The following STYXL1 variants were observed in gnomAD, a reference collection of about 807,000 sequenced individuals.
STYXL1 encodes serine/threonine/tyrosine-interacting-like protein 1.
STYXL1 carries 32 observed loss-of-function variants against 36.4 expected under a neutral mutation model. The ratio of observed to expected loss-of-function variants is 0.88; its 90% CI spans 0.66 to 1.18. The LOEUF is 1.18. Among genes scored for constraint, STYXL1 ranks in the 50% most tolerant of loss-of-function variants. The pLI, the probability that STYXL1 is intolerant of heterozygous loss-of-function variation, is 0.00. For synonymous variants in STYXL1, 133 were observed against 144.1 expected, an observed-to-expected ratio of 0.92 and a Z score of 0.55; for missense variants, 354 against 394.1, an observed-to-expected ratio of 0.90 and a Z score of 0.86.
intron 5 of STYXL1, among the ~76,000 whole-genome samples, chr7:76,005,658 G>A (rs1791579375): frequency 6.6e-6 from 1 of 152,084 alleles, no homozygotes; most frequent in South Asian, 2.1e-4. Context: ...TTCCCTCCGT[G>A]GCAACTGTTT....
intron 4 of STYXL1, among the ~76,000 whole-genome samples, chr7:76,019,357 TAC>T (rs1554575293): frequency 1.3e-5 from 2 of 151,550 alleles, no homozygotes; most frequent in African/African-American, 4.9e-5. Flanking sequence ...AATACAGTGG[TAC>T]AGTCATAGCT....
At chr7:75,999,623 C>G (rs1790614812) in intron 8 of STYXL1, among the ~76,000 whole-genome samples, 1 of 151,814 alleles carries the variant, frequency 6.6e-6, no homozygotes, top group South Asian at 2.1e-4. Flanking sequence ...TCTCAGCTCA[C>G]TGCTGCCTCT....
intron 4 of STYXL1, among the ~76,000 whole-genome samples, chr7:76,014,891 A>G (rs981885995): frequency 1.3e-5 from 2 of 152,124 alleles, no homozygotes; most frequent in African/African-American, 4.8e-5. Context: ...GGAACAAAAT[A>G]GATAACCCAG....
intron 1 of STYXL1, among the ~76,000 whole-genome samples, chr7:76,035,685 G>A (rs1795843826): frequency 6.7e-6 from 1 of 149,738 alleles, no homozygotes; most frequent in African/African-American, 2.4e-5. Flanking sequence ...AGTGGGCTTT[G>A]TGTCTAGTCC....
At chr7:76,006,259 G>A (rs1159816374) in intron 5 of STYXL1, among the ~76,000 whole-genome samples, 2 of 151,916 alleles carry the variant, frequency 1.3e-5, no homozygotes, top group African/African-American at 2.4e-5. Flanking sequence ...TTTATCTTTT[G>A]TAGAGATGGG....
At chr7:76,016,307 T>A (rs1351127515) in intron 4 of STYXL1, among the ~76,000 whole-genome samples, 1 of 151,758 alleles carries the variant, frequency 6.6e-6, no homozygotes, top group Non-Finnish European at 1.5e-5. Flanking sequence ...CATGTGTATA[T>A]ATACACGTAT....
chr7:76,032,451 C>T (rs976069146), intron 1 of STYXL1, among the ~76,000 whole-genome samples: 3 of 150,666 alleles, frequency 2.0e-5, no homozygotes, highest in African/African-American at 7.3e-5. Context: ...TGGCTCACAT[C>T]TGTAATCCCA....
intron 1 of STYXL1, among the ~76,000 whole-genome samples, chr7:76,034,752 C>A (rs2116390368): frequency 6.6e-6 from 1 of 152,298 alleles, no homozygotes; most frequent in East Asian, 1.9e-4. Context: ...TACCTCTTCC[C>A]ATCACCAGTA....
chr7:76,011,946 G>A (rs1161668372), intron 5 of STYXL1, among the ~76,000 whole-genome samples: 3 of 152,236 alleles, frequency 2.0e-5, no homozygotes, highest in African/African-American at 7.2e-5. Context: ...CTGACCATGA[G>A]TTGACAATGT....
chr7:76,009,983 C>T (rs750743877), intron 5 of STYXL1, among the ~76,000 whole-genome samples: 1 of 152,210 alleles, frequency 6.6e-6, no homozygotes, highest in Non-Finnish European at 1.5e-5. Context: ...GAATATGCAA[C>T]TGTCAAAACG....
intron 4 of STYXL1, among the ~76,000 whole-genome samples, chr7:76,019,302 TAC>T (rs1318572298): frequency 1.4e-5 from 2 of 148,080 alleles, no homozygotes; most frequent in Non-Finnish European, 3.0e-5. Context: ...TTTTTTTAAA[TAC>T]GTTTTTTTTA....
intron 2 of STYXL1, among the ~76,000 whole-genome samples, chr7:76,029,581 A>G (rs1286595826): frequency 4.6e-5 from 7 of 152,262 alleles, no homozygotes; most frequent in Non-Finnish European, 2.9e-5. Flanking sequence ...CAAGCCCATT[A>G]CATTTTTTGT....
At chr7:76,043,679 G>A (rs1419728301) in intron 1 of STYXL1, among the ~76,000 whole-genome samples, 1 of 152,042 alleles carries the variant, frequency 6.6e-6, no homozygotes, top group Non-Finnish European at 1.5e-5. Flanking sequence ...ATGTCGAAGG[G>A]GCTTTTCTTG....
At chr7:76,025,911 G>A (rs1794645922) in intron 3 of STYXL1, among the ~76,000 whole-genome samples, 1 of 152,024 alleles carries the variant, frequency 6.6e-6, no homozygotes, top group Non-Finnish European at 1.5e-5. Context: ...GCAGCACAGA[G>A]GCCGGGCGCG....
In STYXL1 at chr7:76,013,784, C is replaced by T. The variant is rs782219222; in HGVS notation, c.411G>A (p.Thr137=). The stretch of plus-strand genomic sequence containing the variant: ...TCTTCTGGGTCCGGAGAAAGTGGTA[C>T]GTGCCTGAGAAGCGCTCATAGCCCC... ...LKGGYERFSG[T]YHFLRTQKII... Residue 137 remains threonine, a synonymous_variant, in exon 5 of 9, where the codon ACG becomes ACA. Transcript: ENST00000359697. 3.7e-6 allele frequency: 6 copies of T among 1,613,794 alleles called. No individual in the cohort carries two copies. The highest frequency in any genetic ancestry group is 2.2e-5 in the South Asian group (2 of 91,086).
At chr7:76,047,445 A>G (rs1349412819) in intron 1 of STYXL1, among the ~76,000 whole-genome samples, 2 of 152,304 alleles carry the variant, frequency 1.3e-5, no homozygotes, top group South Asian at 2.1e-4. Flanking sequence ...GAACTGTATG[A>G]CCACGGAAGT....
At chr7:76,023,629 AG>A (rs1794337664) in intron 3 of STYXL1, among the ~76,000 whole-genome samples, 1 of 152,048 alleles carries the variant, frequency 6.6e-6, no homozygotes, top group Admixed American at 6.6e-5. Flanking sequence ...CGGGAGTCTG[AG>A]GTGAGAGGAT....
intron 8 of STYXL1, 108 bp downstream of exon 8, chr7:76,000,782 G>T: frequency 1.2e-6 from 1 of 825,946 alleles, no homozygotes; most frequent in Non-Finnish European, 2.1e-6. Flanking sequence ...AGTTATCTGG[G>T]ATTCTTCCTC....
chr7:76,002,100 A>G (rs564979183), intron 7 of STYXL1, among the ~76,000 whole-genome samples: 1 of 152,082 alleles, frequency 6.6e-6, no homozygotes, highest in South Asian at 2.1e-4. Flanking sequence ...GTGCCACCAT[A>G]TCCAGCTAAC....
Sources: allele counts gnomAD v4.1 joint callset (sites outside exome capture counted in the v4.1 genomes callset), GRCh38; gene constraint gnomAD v4.1.1; transcripts MANE v1.5; gene names NCBI Gene and HGNC (gene_info 2026-07-23, HGNC 2026-07-21).